Variants in B3GALNT2 observed in about 807,000 individuals in gnomAD.
B3GALNT2 encodes the protein beta-1,3-N-acetylgalactosaminyltransferase 2.
In B3GALNT2, 53 loss-of-function variants were observed where a neutral mutation model predicts 61.1. That is an observed-to-expected ratio of 0.87 (90% confidence interval 0.70 to 1.09). The LOEUF (loss-of-function observed/expected upper bound fraction) is 1.09. B3GALNT2 is among the 50% of genes least tolerant of loss of function. B3GALNT2 has a pLI of 0.00. For missense variants in B3GALNT2, 544 were observed against 623.0 expected, an observed-to-expected ratio of 0.87 and a Z score of 1.35; for synonymous variants, 223 against 237.4, an observed-to-expected ratio of 0.94 and a Z score of 0.56.
At chr1:235,463,394 T>C (rs1471384926) in intron 7 of B3GALNT2, 2 of 150,952 alleles carry the variant, frequency 1.3e-5, no homozygotes, top group Non-Finnish European at 2.9e-5. Context: ...TTTATTCATA[T>C]ATATGCATAT....
At chr1:235,474,103 A>G (rs771133882) in intron 5 of B3GALNT2, among the ~76,000 whole-genome samples, 14 of 152,196 alleles carry the variant, frequency 9.2e-5, no homozygotes, top group South Asian at 2.1e-4. Flanking sequence ...TTTATCTTCC[A>G]CCTATCTCCT....
chr1:235,449,024 A>C lies in B3GALNT2; in HGVS notation c.*1182T>G. Reference sequence around the variant, plus strand: ...TTACAGCTCATCACTGCATTTCATGATAAGATTTAAATATTAAATAGAAAG... The same window carrying C: ...TTACAGCTCATCACTGCATTTCATGCTAAGATTTAAATATTAAATAGAAAG... On this transcript the variant is annotated 3_prime_UTR_variant, in exon 12 of 12. Transcript: ENST00000366600. 1 of 378,952 alleles carries C rather than the reference A, an allele frequency of 2.6e-6. No individual in the cohort carries two copies. 23.5% of individuals were successfully genotyped at this position (378,952 alleles called of 1,614,324 possible). A position where few individuals can be genotyped will look rare whatever the true frequency, so the allele number is the denominator to read the frequency against.
chr1:235,503,311 C>T (rs141692396), intron 1 of B3GALNT2, among the ~76,000 whole-genome samples: 6 of 152,198 alleles, frequency 3.9e-5, no homozygotes, highest in African/African-American at 1.4e-4. Context: ...AAGAAGAAGA[C>T]AAGAGATACA....
At chr1:235,467,759 T>C (rs199769141) in intron 6 of B3GALNT2, among the ~76,000 whole-genome samples, 32 of 139,772 alleles carry the variant, frequency 2.3e-4, no homozygotes, top group Middle Eastern at 4.1e-3. Flanking sequence ...GGATTACAGG[T>C]GTGAGCCACC....
rs1001731271 is a variant in B3GALNT2 at position 235,448,573 on chromosome 1, G to C, written c.*1633C>G. On this transcript the variant is annotated 3_prime_UTR_variant, in exon 12 of 12. Coordinates refer to ENST00000366600, the MANE Select transcript of B3GALNT2 (RefSeq NM_152490.5). ...TCTGTTTGTTTGATTTTAAGGGTAA[G>C]CTACTGCCTGGGGACGGGGTGGGGG... is the stretch of plus-strand genomic sequence containing the variant. The C allele has an allele frequency of 7.3e-6, 10 of 1,373,388 alleles. No homozygotes were observed. The Admixed American group carries it at 1.7e-4, about 23-fold the overall frequency. The allele number at this position is 1,373,388 out of a possible 1,614,324, so 85.1% of individuals were successfully genotyped here. A position where few individuals can be genotyped will look rare whatever the true frequency, so the allele number is the denominator to read the frequency against.
intron 3 of B3GALNT2, among the ~76,000 whole-genome samples, chr1:235,487,779 T>G (rs916721560): frequency 1.3e-5 from 2 of 152,158 alleles, no homozygotes; most frequent in African/African-American, 4.8e-5. Flanking sequence ...TAGGATCAGC[T>G]TTCTTTCGTT....
intron 3 of B3GALNT2, among the ~76,000 whole-genome samples, chr1:235,488,239 C>T (rs1484974356): frequency 1.3e-5 from 2 of 152,058 alleles, no homozygotes; most frequent in South Asian, 4.1e-4. Flanking sequence ...CAGCAGTTTT[C>T]CAAAAGTTCA....
At position 235,504,161 on chromosome 1, in the gene B3GALNT2, G is replaced by A. The variant is rs1286920217; in HGVS notation, c.92C>T (p.Ala31Val). The change falls in exon 1 of 12, where the codon GCC becomes GTC. Residue 31 changes from alanine to valine, a missense_variant. By Grantham distance (64) the Ala-to-Val change is moderately conservative. Coordinates refer to ENST00000366600, the MANE Select transcript of B3GALNT2 (RefSeq NM_152490.5). ...CTCACCTGCAGGGCCGGCCCCGGAG[G>A]CGCAGGCGGGCGGCGGGGAGCGCAG... ...LRLRSPPPAC[A>V]SGAGPADQLA... is the part of the protein sequence containing the mutation. 11 of 1,292,074 alleles carry A rather than the reference G, an allele frequency of 8.5e-6. No homozygotes were observed. The highest frequency in any genetic ancestry group is 8.8e-6 in the Non-Finnish European group (9 of 1,025,952). 80.0% of individuals were successfully genotyped at this position (1,292,074 alleles called of 1,614,324 possible). A position where few individuals can be genotyped will look rare whatever the true frequency, so the allele number is the denominator to read the frequency against.
intron 5 of B3GALNT2, among the ~76,000 whole-genome samples, chr1:235,475,635 T>A (rs571838322): frequency 5.3e-5 from 8 of 152,324 alleles, no homozygotes; most frequent in African/African-American, 1.9e-4. Context: ...AAATTAAACA[T>A]ATTTTCAACA....
At chr1:235,444,657 C>T (rs1682123325), downstream of B3GALNT2, among the ~76,000 whole-genome samples, 2 of 152,188 alleles carry the variant, frequency 1.3e-5, no homozygotes, top group Non-Finnish European at 2.9e-5. Flanking sequence ...CTCCTGTCAT[C>T]ACCTCCCAAA....
At chr1:235,443,102 G>A, downstream of B3GALNT2, 1 of 619,318 alleles carries the variant, frequency 1.6e-6, no homozygotes, top group East Asian at 2.9e-5. Flanking sequence ...CAAAAGTTCA[G>A]GTCTCCCCTA....
In B3GALNT2 at chr1:235,447,442, T is replaced by C. The variant is rs1420723588; in HGVS notation, c.*2764A>G. The stretch of plus-strand genomic sequence containing the variant: ...CTTTGGAAAGAAGTTCATAGTGTAT[T>C]CTGAACAAACCAAAGCATTTACTCG... On this transcript the variant is annotated 3_prime_UTR_variant, in exon 12 of 12. Coordinates refer to ENST00000366600, the MANE Select transcript of B3GALNT2 (RefSeq NM_152490.5). 2.0e-5 allele frequency among the ~76,000 whole-genome samples: 3 copies of C among 152,248 alleles called. No homozygotes were observed. Among genetic ancestry groups the C allele is most frequent in the Non-Finnish European group, 4.4e-5 (3 of 68,040 alleles).
At chr1:235,446,401 T>G (rs1356435530), downstream of B3GALNT2, among the ~76,000 whole-genome samples, 1 of 151,962 alleles carries the variant, frequency 6.6e-6, no homozygotes, top group Non-Finnish European at 1.5e-5. Context: ...GGTCTCAAAC[T>G]CCTGACCTCA....
chr1:235,465,466 G>A lies in B3GALNT2; in HGVS notation c.841+170C>T, dbSNP rs375112775. The A allele has an allele frequency of 3.1e-5, 33 of 1,064,712 alleles. No homozygotes were observed. The South Asian group carries it at 6.8e-4, about 22-fold the overall frequency. 66.0% of individuals were successfully genotyped at this position (1,064,712 alleles called of 1,614,324 possible). A position where few individuals can be genotyped will look rare whatever the true frequency, so the allele number is the denominator to read the frequency against. Reference sequence around the variant, plus strand: ...GGTTTCCTTTTGGGAGGTGGAGCCGGTTGTAGAACTCTAAGAATACACTAA... The same window carrying A: ...GGTTTCCTTTTGGGAGGTGGAGCCGATTGTAGAACTCTAAGAATACACTAA... On this transcript the variant is annotated intron_variant, in intron 7 of 11. Coordinates refer to ENST00000366600, the MANE Select transcript of B3GALNT2 (RefSeq NM_152490.5).
intron 1 of B3GALNT2, among the ~76,000 whole-genome samples, chr1:235,495,987 TTATTTTCCACAATAGATA>T (rs1405077248): frequency 6.6e-6 from 1 of 152,166 alleles, no homozygotes. Context: ...TGTAGATACC[TTATTTTCCACAATAGATA>T]TATTTCTTAA....
chr1:235,450,272 C>T lies in B3GALNT2; in HGVS notation c.1437G>A (p.Trp479Ter). Residue 479 changes from tryptophan to a stop codon, truncating the protein, a stop_gained, in exon 12 of 12, where the codon TGG (tryptophan) becomes TGA (stop). Coordinates refer to ENST00000366600, the MANE Select transcript of B3GALNT2 (RefSeq NM_152490.5). LOFTEE classifies it low-confidence loss of function (END_TRUNC). ...GMLSSPQYSPWELTELWKLKE... is the reference protein window; with the variant it reads ...GMLSSPQYSP The stretch of plus-strand genomic sequence containing the variant: ...TCAGTTTCCACAGTTCCGTCAGTTC[C>T]CACGGAGAATACTGAGGAGAAGACA... 1.9e-6 allele frequency: 3 copies of T among 1,613,906 alleles called. No homozygotes were observed. Among genetic ancestry groups the T allele is most frequent in the Non-Finnish European group, 2.5e-6 (3 of 1,179,814 alleles).
At chr1:235,459,487 G>C (rs146205398) in intron 7 of B3GALNT2, among the ~76,000 whole-genome samples, 2 of 152,264 alleles carry the variant, frequency 1.3e-5, no homozygotes, top group East Asian at 3.9e-4. Context: ...GCCAGGCATA[G>C]TGGTGCATGC....
chr1:235,465,558 A>T, intron 7 of B3GALNT2, 78 bp downstream of exon 7: 4 of 1,552,974 alleles, frequency 2.6e-6, no homozygotes, highest in Admixed American at 2.1e-5. Context: ...CAAAAAAGAA[A>T]AAATCCTTTT....
rs55666590 is a variant in B3GALNT2 at position 235,480,905 on chromosome 1, C to CAAAA, written c.556-760_556-757dup. Among the ~76,000 whole-genome samples the CAAAA allele has an allele frequency of 9.0e-4, 28 of 31,172 alleles. 4 individuals are homozygous for CAAAA. The highest frequency in any genetic ancestry group is 1.1e-3 in the African/African-American group (8 of 7,292). The allele number at this position is 31,172 out of a possible 152,430, so 20.5% of individuals were successfully genotyped here. A position where few individuals can be genotyped will look rare whatever the true frequency, so the allele number is the denominator to read the frequency against. On this transcript the variant is annotated intron_variant, in intron 4 of 11. Coordinates refer to ENST00000366600, the MANE Select transcript of B3GALNT2 (RefSeq NM_152490.5). Reference sequence around the variant, plus strand: ...TGGACCGCAGAGCCAGACTCTGTCTCAAAAAAAAAAAAAAAAAAAAAAAAA... The same window carrying CAAAA: ...TGGACCGCAGAGCCAGACTCTGTCTCAAAAAAAAAAAAAAAAAAAAAAAAAAAAA...
Sources: allele counts gnomAD v4.1 joint callset (sites outside exome capture counted in the v4.1 genomes callset), GRCh38; gene constraint gnomAD v4.1.1; transcripts MANE v1.5; gene names NCBI Gene and HGNC (gene_info 2026-07-23, HGNC 2026-07-21).